PRKD1: variants seen among roughly 807,000 people sequenced by gnomAD.
PRKD1 encodes protein kinase D1.
In PRKD1, 63 loss-of-function variants were observed where a neutral mutation model predicts 95.9. The ratio of observed to expected loss-of-function variants is 0.66; its 90% CI spans 0.54 to 0.81. The LOEUF (loss-of-function observed/expected upper bound fraction) is 0.81, where lower values mean the gene tolerates loss of function less well. PRKD1 is among the 30% of genes least tolerant of loss of function. PRKD1 has a pLI of 0.00. For synonymous variants in PRKD1, 425 were observed against 423.1 expected, an observed-to-expected ratio of 1.00 and a Z score of -0.05; for missense variants, 1,048 against 1,165.3, an observed-to-expected ratio of 0.90 and a Z score of 1.47.
At chr14:29,917,932 AT>A (rs1894948169) in intron 1 of PRKD1, among the ~76,000 whole-genome samples, 2 of 152,104 alleles carry the variant, frequency 1.3e-5, no homozygotes, top group Admixed American at 6.6e-5. Flanking sequence ...TAAAAAATAG[AT>A]TTTTTTAACT....
chr14:29,584,431 T>A (rs1227615831), intron 16 of PRKD1, among the ~76,000 whole-genome samples: 1 of 152,196 alleles, frequency 6.6e-6, no homozygotes, highest in South Asian at 2.1e-4. Flanking sequence ...TTCAATCATG[T>A]TCCATTTCCC....
At chr14:29,633,727 T>C (rs1880180028) in intron 8 of PRKD1, among the ~76,000 whole-genome samples, 1 of 152,178 alleles carries the variant, frequency 6.6e-6, no homozygotes, top group South Asian at 2.1e-4. Context: ...AACTAGGCGG[T>C]ATTCAATTGA....
chr14:29,924,737 C>T (rs1337526806), intron 1 of PRKD1, among the ~76,000 whole-genome samples: 1 of 152,060 alleles, frequency 6.6e-6, no homozygotes, highest in Non-Finnish European at 1.5e-5. Context: ...TTCCTCATAG[C>T]TGACGTCCTC....
intron 16 of PRKD1, among the ~76,000 whole-genome samples, chr14:29,593,202 T>A (rs1237088537): frequency 6.6e-6 from 1 of 152,196 alleles, no homozygotes; most frequent in Admixed American, 6.5e-5. Context: ...GTGTGAGCTA[T>A]TCATATTTGT....
intron 1 of PRKD1, among the ~76,000 whole-genome samples, chr14:29,848,813 A>C (rs1438622334): frequency 6.6e-6 from 1 of 152,214 alleles, no homozygotes; most frequent in African/African-American, 2.4e-5. Context: ...ATGCTCAAAG[A>C]ACTGAAGGAA....
chr14:29,863,580 A>G (rs1421815882), intron 1 of PRKD1, among the ~76,000 whole-genome samples: 1 of 152,180 alleles, frequency 6.6e-6, no homozygotes, highest in Non-Finnish European at 1.5e-5. Context: ...GTTGAATGTT[A>G]GACAAGCCCT....
At chr14:29,643,876 C>G (rs1880959537) in intron 4 of PRKD1, among the ~76,000 whole-genome samples, 1 of 152,130 alleles carries the variant, frequency 6.6e-6, no homozygotes, top group South Asian at 2.1e-4. Context: ...TGTGCGTTAA[C>G]TAAAATTCAT....
intron 1 of PRKD1, among the ~76,000 whole-genome samples, chr14:29,799,465 G>A (rs1001848496): frequency 2.6e-5 from 4 of 152,216 alleles, no homozygotes; most frequent in Admixed American, 2.6e-4. Context: ...TACTGCCATT[G>A]TTAAAGTTTT....
At chr14:29,620,393 A>G (rs1219469533) in intron 13 of PRKD1, among the ~76,000 whole-genome samples, 1 of 150,010 alleles carries the variant, frequency 6.7e-6, no homozygotes, top group Non-Finnish European at 1.5e-5. Flanking sequence ...CAGGCAACCT[A>G]CAAAATGGGA....
chr14:29,595,266 T>C (rs1343177136), intron 16 of PRKD1, among the ~76,000 whole-genome samples: 2 of 152,202 alleles, frequency 1.3e-5, no homozygotes, highest in African/African-American at 4.8e-5. Context: ...AAATGCTATG[T>C]CTCTTTCTTT....
intron 1 of PRKD1, among the ~76,000 whole-genome samples, chr14:29,753,915 C>T (rs1250060213): frequency 1.3e-5 from 2 of 152,128 alleles, no homozygotes; most frequent in Admixed American, 6.6e-5. Context: ...TGCCTCCTTA[C>T]GTACCTGTGT....
intron 1 of PRKD1, among the ~76,000 whole-genome samples, chr14:29,783,501 C>CTACATT (rs1480274548): frequency 1.3e-5 from 2 of 152,148 alleles, no homozygotes; most frequent in East Asian, 3.8e-4. Context: ...TTTCCATTAG[C>CTACATT]TACATACCCA....
intron 2 of PRKD1, among the ~76,000 whole-genome samples, chr14:29,705,455 GTT>G (rs35890847): frequency 0.14 from 21,001 of 147,100 alleles, 1,831 homozygotes; most frequent in Non-Finnish European, 0.19. Context: ...GCCAGATTCT[GTT>G]TTTTTTTTTG....
chr14:29,849,511 A>C (rs746933607), intron 1 of PRKD1, among the ~76,000 whole-genome samples: 2 of 152,148 alleles, frequency 1.3e-5, no homozygotes, highest in Non-Finnish European at 2.9e-5. Flanking sequence ...GAAGAAACTG[A>C]AACTCTGAAC....
intron 15 of PRKD1, among the ~76,000 whole-genome samples, chr14:29,598,101 C>G (rs1322170610): frequency 6.6e-6 from 1 of 151,350 alleles, no homozygotes; most frequent in Non-Finnish European, 1.5e-5. Context: ...ATAGTGAGAC[C>G]CCCATCTCTA....
At chr14:29,661,315 CCAT>C (rs1170019513) in intron 4 of PRKD1, among the ~76,000 whole-genome samples, 8 of 152,060 alleles carry the variant, frequency 5.3e-5, no homozygotes, top group African/African-American at 1.7e-4. Context: ...AAGGGTCAGG[CCAT>C]CATTCTTTTT....
intron 8 of PRKD1, among the ~76,000 whole-genome samples, chr14:29,633,219 T>C (rs45458791): frequency 2.2e-4 from 33 of 152,302 alleles, no homozygotes; most frequent in African/African-American, 7.7e-4. Context: ...AGAAAGTGCA[T>C]AGTAAACAGA....
chr14:29,917,692 A>G (rs1440712224), intron 1 of PRKD1, among the ~76,000 whole-genome samples: 2 of 152,200 alleles, frequency 1.3e-5, no homozygotes, highest in Non-Finnish European at 2.9e-5. Context: ...TTTTATCTTA[A>G]CCATCTATTA....
intron 1 of PRKD1, among the ~76,000 whole-genome samples, chr14:29,885,098 G>A (rs558429743): frequency 2.0e-5 from 3 of 149,660 alleles, no homozygotes; most frequent in East Asian, 2.0e-4. Flanking sequence ...ACTCCCCCCT[G>A]GGCAACAGAG....
Sources: allele counts gnomAD v4.1 joint callset (sites outside exome capture counted in the v4.1 genomes callset), GRCh38; gene constraint gnomAD v4.1.1; transcripts MANE v1.5; gene names NCBI Gene and HGNC (gene_info 2026-07-23, HGNC 2026-07-21).